SOX5: variants seen among roughly 807,000 people sequenced by gnomAD.
The protein encoded by SOX5 is SRY-box transcription factor 5.
SOX5 carries 9 observed loss-of-function variants against 92.0 expected under a neutral mutation model. That is an observed-to-expected ratio of 0.10 (90% CI 0.06 to 0.17). The LOEUF is 0.17. Ranked by LOEUF, SOX5 falls within the 10% of genes least tolerant of loss-of-function variation. The pLI is 1.00. For synonymous variants in SOX5, 344 were observed against 336.3 expected (o/e 1.02, Z -0.25); for missense variants, 642 against 944.5 (o/e 0.68, Z 4.20).
At chr12:23,960,538 T>TTTATATACATATATATATATATAC in intron 4 of SOX5, among the ~76,000 whole-genome samples, 4 of 146,578 alleles carry the variant, frequency 2.7e-5, no homozygotes, top group African/African-American at 1.0e-4. Flanking sequence ...TACATATATA[T>TTTATATACATATATATATATATAC]ATATATATGA....
At chr12:24,055,066 G>A (rs1418272780) in intron 4 of SOX5, among the ~76,000 whole-genome samples, 2 of 152,050 alleles carry the variant, frequency 1.3e-5, no homozygotes, top group Admixed American at 6.5e-5. Flanking sequence ...AAAAAAAAAT[G>A]AGGATAAAAA....
At chr12:24,159,363 TTAAA>T (rs2138959437) in intron 4 of SOX5, among the ~76,000 whole-genome samples, 1 of 152,052 alleles carries the variant, frequency 6.6e-6, no homozygotes, top group South Asian at 2.1e-4. Flanking sequence ...CTCTCTGTTC[TTAAA>T]TAAAAAATTG....
At chr12:24,083,808 G>C (rs1943644529) in intron 4 of SOX5, among the ~76,000 whole-genome samples, 1 of 152,044 alleles carries the variant, frequency 6.6e-6, no homozygotes, top group African/African-American at 2.4e-5. Context: ...GGAATAATTA[G>C]TGGCCCACTT....
intron 6 of SOX5, among the ~76,000 whole-genome samples, chr12:23,718,496 G>T (rs1025924410): frequency 4.6e-5 from 7 of 152,146 alleles, no homozygotes; most frequent in Non-Finnish European, 7.4e-5. Flanking sequence ...ACCACAGTAG[G>T]TTAACCTAAG....
intron 1 of SOX5, among the ~76,000 whole-genome samples, chr12:23,931,480 C>G (rs763995751): frequency 6.6e-5 from 10 of 151,694 alleles, no homozygotes; most frequent in Non-Finnish European, 1.2e-4. Context: ...AAATTGATAA[C>G]TCTTCTGTTT....
rs1480014070 is a variant in SOX5 at position 24,376,689 on chromosome 12, C to CTTTTTTTTTT, written c.-250-8051_-250-8050insAAAAAAAAAA. Among the ~76,000 whole-genome samples, 12 of 93,082 alleles carry CTTTTTTTTTT rather than the reference C, an allele frequency of 1.3e-4. 2 individuals are homozygous for CTTTTTTTTTT. The highest frequency in any genetic ancestry group is 8.1e-5 in the African/African-American group (2 of 24,592). The allele number at this position is 93,082 out of a possible 152,430, so 61.1% of individuals were successfully genotyped here. On this transcript the variant is annotated intron_variant, in intron 1 of 4. Coordinates refer to the SOX5 transcript ENST00000446891. ...TCAGAATGATGCTATGGGAGAGATA[C>CTTTTTTTTTT]CTTTTTTTTTTTTTTTTTTTTTTTT...
At chr12:23,959,894 A>T (rs1362726139) in intron 4 of SOX5, among the ~76,000 whole-genome samples, 1 of 152,228 alleles carries the variant, frequency 6.6e-6, no homozygotes, top group Non-Finnish European at 1.5e-5. Flanking sequence ...ACATTGTATT[A>T]GACTATATCA....
intron 4 of SOX5, among the ~76,000 whole-genome samples, chr12:24,111,940 T>A (rs1272521956): frequency 6.6e-6 from 1 of 152,220 alleles, no homozygotes; most frequent in Non-Finnish European, 1.5e-5. Flanking sequence ...ATCTAGTTTT[T>A]GTAAAGGATC....
At chr12:24,290,808 C>T (rs1946537553) in intron 2 of SOX5, among the ~76,000 whole-genome samples, 1 of 152,160 alleles carries the variant, frequency 6.6e-6, no homozygotes, top group South Asian at 2.1e-4. Flanking sequence ...GCCCAGCCTT[C>T]TCCAGGAGCC....
At chr12:24,364,127 A>T (rs1274817806) in intron 2 of SOX5, among the ~76,000 whole-genome samples, 1 of 152,150 alleles carries the variant, frequency 6.6e-6, no homozygotes, top group Non-Finnish European at 1.5e-5. Context: ...TGAAACTCAA[A>T]ACATGTATGT....
intron 2 of SOX5, among the ~76,000 whole-genome samples, chr12:24,348,959 C>G (rs1437767356): frequency 6.6e-6 from 1 of 152,226 alleles, no homozygotes; most frequent in Non-Finnish European, 1.5e-5. Context: ...GAGGCCTCTC[C>G]AGCCATGTGG....
At chr12:23,832,105 G>C (rs2096335472) in intron 3 of SOX5, among the ~76,000 whole-genome samples, 1 of 151,856 alleles carries the variant, frequency 6.6e-6, no homozygotes, top group Admixed American at 6.6e-5. Flanking sequence ...GAAAATGTGG[G>C]CTTCAATTAT....
At chr12:23,769,157 A>T (rs1442198459) in intron 3 of SOX5, among the ~76,000 whole-genome samples, 2 of 152,120 alleles carry the variant, frequency 1.3e-5, no homozygotes, top group African/African-American at 4.8e-5. Flanking sequence ...AGAAATTATG[A>T]AGCAGCAAAG....
intron 1 of SOX5, among the ~76,000 whole-genome samples, chr12:23,903,262 CAAT>C (rs967633457): frequency 7.9e-4 from 120 of 152,130 alleles, no homozygotes; most frequent in African/African-American, 2.8e-3. Context: ...CCAGAAAATA[CAAT>C]AATTCAACAG....
chr12:23,784,408 G>A (rs35701814), intron 3 of SOX5, among the ~76,000 whole-genome samples: 47,106 of 151,912 alleles, frequency 0.31, 7,682 homozygotes, highest in East Asian at 0.6. Flanking sequence ...CTCACTGCAG[G>A]TTCCGCCTCC....
chr12:23,648,196 CAA>C (rs1022901304), intron 7 of SOX5, among the ~76,000 whole-genome samples: 4 of 152,126 alleles, frequency 2.6e-5, no homozygotes, highest in East Asian at 1.9e-4. Flanking sequence ...CAAAATATGA[CAA>C]AGAGACATGA....
At chr12:23,679,323 A>C (rs1461550676) in intron 6 of SOX5, among the ~76,000 whole-genome samples, 4 of 152,134 alleles carry the variant, frequency 2.6e-5, no homozygotes, top group Non-Finnish European at 5.9e-5. Flanking sequence ...TAAAAAGAAA[A>C]TCTGGCAATT....
At chr12:24,356,712 A>G (rs1954876756) in intron 2 of SOX5, among the ~76,000 whole-genome samples, 1 of 151,966 alleles carries the variant, frequency 6.6e-6, no homozygotes, top group African/African-American at 2.4e-5. Flanking sequence ...CTTTTCACCC[A>G]AATCTTTCCT....
At chr12:23,561,813 TAAAA>T (rs34791864) in intron 11 of SOX5, among the ~76,000 whole-genome samples, 8 of 139,030 alleles carry the variant, frequency 5.8e-5, no homozygotes, top group East Asian at 2.1e-4. Context: ...TTTGGAGGAT[TAAAA>T]AAAAAAAAAA....
Sources: gnomAD v4.1 joint callset for allele counts (sites outside exome capture counted in the v4.1 genomes callset) on GRCh38, gnomAD v4.1.1 for gene constraint, MANE v1.5 for transcripts, NCBI Gene and HGNC (gene_info 2026-07-23, HGNC 2026-07-21) for gene names.